Variants in PUDP observed in about 807,000 individuals in gnomAD.
The protein encoded by PUDP is pseudouridine-5'-phosphatase.
Under a neutral mutation model 9.4 loss-of-function variants are expected in PUDP, and 8 were observed. That is an observed-to-expected ratio of 0.85 (90% CI 0.50 to 1.53). PUDP has a LOEUF of 1.53. Among genes scored for constraint, PUDP ranks in the 40% most tolerant of loss-of-function variants. The pLI is 0.00. For missense variants in PUDP, 188 were observed against 189.7 expected, an observed-to-expected ratio of 0.99 and a Z score of 0.05; for synonymous variants, 99 against 80.7, an observed-to-expected ratio of 1.23 and a Z score of -1.22.
At chrX:6,898,614 G>A (rs1927626774) in intron 3 of PUDP, among the ~76,000 whole-genome samples, 1 of 112,050 alleles carries the variant, frequency 8.9e-6, no homozygotes, top group Admixed American at 9.5e-5. Flanking sequence ...GTCGGCCACA[G>A]GGTCTGTGTC....
chrX:6,992,568 G>A (rs981100180), intron 1 of PUDP, among the ~76,000 whole-genome samples: 3 of 110,121 alleles, frequency 2.7e-5, no homozygotes, highest in Non-Finnish European at 3.8e-5. Flanking sequence ...CACCGCGCCC[G>A]GCCCAGGGTG....
chrX:6,819,689 T>A (rs2146706338), intron 3 of PUDP, among the ~76,000 whole-genome samples: 1 of 112,346 alleles, frequency 8.9e-6, no homozygotes, highest in South Asian at 3.7e-4. Flanking sequence ...CGTAGGGATC[T>A]GACAGGGGAC....
At chrX:6,880,206 G>A (rs765767470) in intron 3 of PUDP, among the ~76,000 whole-genome samples, 33 of 109,650 alleles carry the variant, frequency 3.0e-4, no homozygotes, top group Non-Finnish European at 5.1e-4. Context: ...CCCATCACCC[G>A]AGCAGTGTAC....
intron 3 of PUDP, among the ~76,000 whole-genome samples, chrX:6,737,132 T>G (rs1360874065): frequency 9.0e-5 from 10 of 110,796 alleles, no homozygotes; most frequent in Non-Finnish European, 1.7e-4. Context: ...AAGATTTAGA[T>G]TCAAGCAAAG....
chrX:7,019,771 C>T (rs1929603920), intron 1 of PUDP, among the ~76,000 whole-genome samples: 1 of 111,394 alleles, frequency 9.0e-6, no homozygotes, highest in African/African-American at 3.3e-5. Context: ...AGTCACCCTA[C>T]GATGCTCCCT....
intron 3 of PUDP, among the ~76,000 whole-genome samples, chrX:6,864,325 A>G (rs1001861727): frequency 5.4e-5 from 6 of 112,091 alleles, no homozygotes; most frequent in Non-Finnish European, 7.5e-5. Flanking sequence ...GTGAAATTAG[A>G]TGAAGTTAAA....
At chrX:7,076,558 C>T (rs896266689) in intron 3 of PUDP, among the ~76,000 whole-genome samples, 4 of 111,711 alleles carry the variant, frequency 3.6e-5, no homozygotes, top group East Asian at 2.8e-4. Context: ...GCTCTCTAAA[C>T]GCTCTGCCCA....
chrX:7,027,896 C>CTA (rs1929740684), intron 1 of PUDP, among the ~76,000 whole-genome samples: 2 of 97,267 alleles, frequency 2.1e-5, no homozygotes, highest in African/African-American at 7.4e-5. Flanking sequence ...TATATATAGA[C>CTA]TATATATAGA....
chrX:7,086,251 T>G lies in PUDP; in HGVS notation c.281-8802A>C, dbSNP rs112139418. The stretch of plus-strand genomic sequence containing the variant: ...TGTGCTGATCGCTTTAACTACTGTC[T>G]GGCTGTGTTTATCCTTGACACTAGA... On this transcript the variant is annotated intron_variant, in intron 2 of 3. Coordinates refer to ENST00000381077, the MANE Select transcript of PUDP (RefSeq NM_012080.5). 4.0e-3 allele frequency among the ~76,000 whole-genome samples: 446 copies of G among 112,283 alleles called. 2 individuals are homozygous for G. The highest frequency in any genetic ancestry group is 0.014 in the African/African-American group (431 of 30,918).
intron 3 of PUDP, among the ~76,000 whole-genome samples, chrX:6,803,060 T>A (rs1474150477): frequency 1.9e-3 from 15 of 7,904 alleles, no homozygotes; most frequent in Admixed American, 5.4e-3. Flanking sequence ...TAAAATAAAA[T>A]ATAAAATAAA....
At chrX:7,136,271 A>T (rs1228814172) in intron 1 of PUDP, among the ~76,000 whole-genome samples, 11 of 112,216 alleles carry the variant, frequency 9.8e-5, no homozygotes, top group Non-Finnish European at 1.3e-4. Flanking sequence ...TTCAGAAAGC[A>T]CACGTGACGT....
chrX:6,988,340 G>T (rs1929130383), intron 1 of PUDP, among the ~76,000 whole-genome samples: 1 of 111,473 alleles, frequency 9.0e-6, no homozygotes, highest in Non-Finnish European at 1.9e-5. Flanking sequence ...CAATGGTCAG[G>T]CTGCTTATTC....
At chrX:6,752,182 T>A (rs888026395) in intron 3 of PUDP, among the ~76,000 whole-genome samples, 1 of 111,967 alleles carries the variant, frequency 8.9e-6, no homozygotes, top group Non-Finnish European at 1.9e-5. Context: ...TCCTTTGGCC[T>A]CTGACAGCAC....
chrX:6,782,973 C>A (rs1436512887), intron 3 of PUDP, among the ~76,000 whole-genome samples: 1 of 111,167 alleles, frequency 9.0e-6, no homozygotes, highest in South Asian at 3.9e-4. Flanking sequence ...ATACTCCCAC[C>A]CTCACGCAGC....
intron 1 of PUDP, among the ~76,000 whole-genome samples, chrX:7,008,792 T>C (rs1272129943): frequency 8.0e-5 from 9 of 112,553 alleles, no homozygotes; most frequent in Non-Finnish European, 1.3e-4. Flanking sequence ...TAATCTGACA[T>C]TGTGGTCATG....
At chrX:7,000,325 G>A (rs1183738314) in intron 1 of PUDP, among the ~76,000 whole-genome samples, 3 of 110,757 alleles carry the variant, frequency 2.7e-5, no homozygotes, top group Non-Finnish European at 5.7e-5. Flanking sequence ...AAAAACAAAC[G>A]AACAAACAAA....
intron 1 of PUDP, among the ~76,000 whole-genome samples, chrX:6,995,371 G>C (rs928427602): frequency 2.7e-5 from 3 of 111,728 alleles, no homozygotes; most frequent in Non-Finnish European, 5.6e-5. Flanking sequence ...AGCCTTTGCA[G>C]AAAAGTGTAG....
intron 3 of PUDP, among the ~76,000 whole-genome samples, chrX:6,926,685 C>T (rs1288480057): frequency 8.9e-6 from 1 of 111,847 alleles, no homozygotes; most frequent in Non-Finnish European, 1.9e-5. Flanking sequence ...TTTTATTGTG[C>T]ATTCAGAGCT....
At chrX:6,937,603 A>G (rs1360173466) in intron 3 of PUDP, among the ~76,000 whole-genome samples, 11 of 101,234 alleles carry the variant, frequency 1.1e-4, no homozygotes, top group African/African-American at 4.0e-4. Flanking sequence ...CACCAAAAGC[A>G]ATGGCAACAA....
Sources: allele counts gnomAD v4.1 joint callset (sites outside exome capture counted in the v4.1 genomes callset), GRCh38; gene constraint gnomAD v4.1.1; transcripts MANE v1.5; gene names NCBI Gene and HGNC (gene_info 2026-07-23, HGNC 2026-07-21).